ADAMTSL1: variants seen among roughly 807,000 people sequenced by gnomAD.
The protein encoded by ADAMTSL1 is ADAMTS-like protein 1.
ADAMTSL1 carries 126 observed loss-of-function variants against 201.8 expected under a neutral mutation model. That is an observed-to-expected ratio of 0.62 (90% CI 0.54 to 0.72). The LOEUF (loss-of-function observed/expected upper bound fraction) is 0.72. ADAMTSL1 is among the 30% of genes least tolerant of loss of function. ADAMTSL1 has a pLI of 0.00. For missense variants in ADAMTSL1, 2,679 were observed against 2,277.8 expected, an observed-to-expected ratio of 1.18 and a Z score of -3.59; for synonymous variants, 1,121 against 903.4, an observed-to-expected ratio of 1.24 and a Z score of -4.32.
At chr9:18,052,066 T>G (rs1586951709) in intron 1 of ADAMTSL1, among the ~76,000 whole-genome samples, 1 of 152,230 alleles carries the variant, frequency 6.6e-6, no homozygotes, top group East Asian at 1.9e-4. Flanking sequence ...AGAGCTCCTA[T>G]TTTTAGAACA....
At chr9:18,150,284 A>C (rs1257906721) in intron 1 of ADAMTSL1, among the ~76,000 whole-genome samples, 1 of 152,068 alleles carries the variant, frequency 6.6e-6, no homozygotes, top group Non-Finnish European at 1.5e-5. Flanking sequence ...GGAATACCAA[A>C]CTATGGGGAA....
chr9:18,262,334 G>A (rs7870751), intron 2 of ADAMTSL1, among the ~76,000 whole-genome samples: 387 of 152,336 alleles, frequency 2.5e-3, no homozygotes, highest in African/African-American at 8.5e-3. Flanking sequence ...ACCAATGCAT[G>A]TCCAGAAGGA....
chr9:18,046,331 G>A (rs567031404), intron 1 of ADAMTSL1, among the ~76,000 whole-genome samples: 1 of 152,244 alleles, frequency 6.6e-6, no homozygotes, highest in African/African-American at 2.4e-5. Flanking sequence ...CACCTTTAAT[G>A]CATGGCTTTC....
chr9:18,245,055 A>T (rs551769673), intron 2 of ADAMTSL1, among the ~76,000 whole-genome samples: 3 of 152,266 alleles, frequency 2.0e-5, no homozygotes, highest in Non-Finnish European at 4.4e-5. Flanking sequence ...GAAGACCATC[A>T]AGGTGGGAGT....
intron 1 of ADAMTSL1, among the ~76,000 whole-genome samples, chr9:18,499,617 G>A (rs1426346460): frequency 6.6e-6 from 1 of 152,178 alleles, no homozygotes; most frequent in African/African-American, 2.4e-5. Context: ...ATATAGAAGT[G>A]TGTGACATCC....
chr9:18,888,755 A>C (rs943597111), intron 24 of ADAMTSL1, among the ~76,000 whole-genome samples: 1 of 152,164 alleles, frequency 6.6e-6, no homozygotes, highest in Non-Finnish European at 1.5e-5. Flanking sequence ...ATGTGATGGG[A>C]AGGGACAGAG....
chr9:18,150,898 G>T (rs1281091939), intron 1 of ADAMTSL1, among the ~76,000 whole-genome samples: 1 of 151,794 alleles, frequency 6.6e-6, no homozygotes, highest in South Asian at 2.1e-4. Context: ...CAAATCTAAA[G>T]GACTTATTTT....
intron 1 of ADAMTSL1, among the ~76,000 whole-genome samples, chr9:17,927,999 T>TC (rs1563900771): frequency 1.6e-5 from 2 of 125,036 alleles, no homozygotes; most frequent in African/African-American, 6.0e-5. Context: ...TTCTTTCTTT[T>TC]TTTTTTTTTT....
At position 18,906,849 on chromosome 9, in the gene ADAMTSL1, C is replaced by G. The variant is rs767626551; in HGVS notation, c.5119C>G (p.Leu1707Val). ...CACCAACAAGGCAGTGCCTGAGCAC[C>G]TGTGCTCCTGGGGGCCCCGGCCTGC... ...ARTNKAVPEH[L>V]CSWGPRPANW... is the part of the protein sequence containing the mutation. Residue 1707 changes from leucine (L) to valine (V), a missense_variant, in exon 28 of 29, where the codon CTG (leucine) becomes GTG (valine). By Grantham distance (32) the Leu-to-Val change is conservative. Coordinates refer to ENST00000380548, the MANE Select transcript of ADAMTSL1 (RefSeq NM_001040272.6). 6.2e-7 allele frequency: 1 copy of G among 1,614,042 alleles called. No homozygotes were observed. Among genetic ancestry groups the G allele is most frequent in the East Asian group, 2.2e-5 (1 of 44,876 alleles).
intron 23 of ADAMTSL1, among the ~76,000 whole-genome samples, chr9:18,843,377 G>A (rs1193998646): frequency 6.6e-6 from 1 of 150,876 alleles, no homozygotes; most frequent in African/African-American, 2.5e-5. Context: ...CTCTCTTCTG[G>A]CTTGTAGAGT....
At chr9:18,908,283 C>G in intron 28 of ADAMTSL1, 159 bp from the exon 29 acceptor site, 1 of 660,336 alleles carries the variant, frequency 1.5e-6, no homozygotes, top group Middle Eastern at 4.1e-4. Context: ...AGTGGCTGAG[C>G]TCTGTCAAAG....
chr9:18,423,738 G>A (rs374472606), intron 2 of ADAMTSL1, among the ~76,000 whole-genome samples: 2 of 152,186 alleles, frequency 1.3e-5, no homozygotes, highest in Non-Finnish European at 2.9e-5. Context: ...AAAAGATTGG[G>A]TGTTGAAGCC....
At chr9:18,705,371 T>C (rs1047089711) in intron 13 of ADAMTSL1, among the ~76,000 whole-genome samples, 4 of 152,212 alleles carry the variant, frequency 2.6e-5, no homozygotes, top group Admixed American at 2.6e-4. Flanking sequence ...TTGAAACTAT[T>C]AGTGGTTGCT....
intron 23 of ADAMTSL1, among the ~76,000 whole-genome samples, chr9:18,885,595 G>C (rs1828798037): frequency 6.6e-6 from 1 of 152,214 alleles, no homozygotes; most frequent in African/African-American, 2.4e-5. Flanking sequence ...GCATGGGCTA[G>C]TCAGCGGATA....
Position 18,291,745 on chromosome 9 carries a change from T to TCA in ADAMTSL1, c.207+127765_207+127766insAC, listed in dbSNP as rs1364394883. Among the ~76,000 whole-genome samples the TCA allele has an allele frequency of 6.3e-3, 697 of 111,010 alleles. 1 individual carries two copies. The highest frequency in any genetic ancestry group is 0.026 in the South Asian group (82 of 3,118). 72.8% of individuals were successfully genotyped at this position (111,010 alleles called of 152,430 possible). A position where few individuals can be genotyped will look rare whatever the true frequency, so the allele number is the denominator to read the frequency against. On this transcript the variant is annotated intron_variant, in intron 2 of 29. Coordinates refer to the ADAMTSL1 transcript ENST00000680146. ...CTCTCTCTCTCTCTCTCTCTCTCTC[T>TCA]CTCACACACACACACACACACACAC...
intron 1 of ADAMTSL1, among the ~76,000 whole-genome samples, chr9:18,034,990 C>T (rs937538821): frequency 2.6e-5 from 4 of 152,102 alleles, no homozygotes; most frequent in African/African-American, 9.7e-5. Flanking sequence ...GTTCTAGTTC[C>T]TTCTCTGTTA....
At chr9:18,514,485 A>T (rs921469540) in intron 2 of ADAMTSL1, among the ~76,000 whole-genome samples, 5 of 151,642 alleles carry the variant, frequency 3.3e-5, no homozygotes, top group Non-Finnish European at 7.4e-5. Flanking sequence ...ACCCGCCACC[A>T]TGCCCGGCTA....
chr9:18,298,457 C>G (rs1185081029), intron 2 of ADAMTSL1, among the ~76,000 whole-genome samples: 1 of 152,152 alleles, frequency 6.6e-6, no homozygotes, highest in African/African-American at 2.4e-5. Context: ...AAAGCACTGA[C>G]TGAATTTTGA....
At chr9:18,372,936 G>A (rs1422934328) in intron 2 of ADAMTSL1, among the ~76,000 whole-genome samples, 1 of 152,176 alleles carries the variant, frequency 6.6e-6, no homozygotes, top group Non-Finnish European at 1.5e-5. Context: ...TGCTTGGGCT[G>A]AAGCCACACC....
Sources: allele counts gnomAD v4.1 joint callset (sites outside exome capture counted in the v4.1 genomes callset), GRCh38; gene constraint gnomAD v4.1.1; transcripts MANE v1.5; gene names NCBI Gene and HGNC (gene_info 2026-07-23, HGNC 2026-07-21).